The following SEC16A variants were observed in gnomAD, a reference collection of about 807,000 sequenced individuals.
SEC16A encodes protein transport protein Sec16A.
In SEC16A, 110 loss-of-function variants were observed where a neutral mutation model predicts 221.9. That is an observed-to-expected ratio of 0.50 (90% CI 0.42 to 0.58). The LOEUF (loss-of-function observed/expected upper bound fraction) is 0.58, where lower values mean the gene tolerates loss of function less well. SEC16A is among the 20% of genes least tolerant of loss of function. The pLI, the probability that SEC16A is intolerant of heterozygous loss-of-function variation, is 0.00. For missense variants in SEC16A, 3,165 were observed against 3,097.8 expected (o/e 1.02, Z -0.52); for synonymous variants, 1,393 against 1,257.7 (o/e 1.11, Z -2.28).
rs563165879 is a variant in SEC16A, at chr9:136,460,454, C to CA, written c.4992-332dup. Among the ~76,000 whole-genome samples, 169 of 150,654 alleles carry CA rather than the reference C, an allele frequency of 1.1e-3. 3 individuals carry two copies. The South Asian group carries it at 0.034, about 31-fold the overall frequency. On this transcript the variant is annotated intron_variant, in intron 13 of 31. Coordinates refer to ENST00000684901, the MANE Select transcript of SEC16A (RefSeq NM_014866.2). ...TGGGTGACAGAGCAAGACTCTGTCT[C>CA]AAAAAAATAAATAAATAAAATAGTA...
rs749311356 is a variant in SEC16A, at chr9:136,475,536, C to A, written c.2080G>T (p.Ala694Ser). ...GGATACACAGTATCCAAGGGCGGTG[C>A]CCCTGCGTGCGGAAGCATGTGCACA... ...EAVHMLPHAGAPPLDTVYPAP... is the reference protein window; with the variant it reads ...EAVHMLPHAGSPPLDTVYPAP... Residue 694 changes from alanine (A) to serine (S), a missense_variant, in exon 3 of 32, where the codon GCA becomes TCA. Coordinates refer to ENST00000684901, the MANE Select transcript of SEC16A (RefSeq NM_014866.2). This position sits in a 1 kb window ranked among gnomAD's most constrained non-coding sequence, Gnocchi z 5.0. 1 of 1,613,266 alleles carries A rather than the reference C, an allele frequency of 6.2e-7. No individual in the cohort carries two copies. The highest frequency in any genetic ancestry group is 1.1e-5 in the South Asian group (1 of 90,974).
upstream of SEC16A, chr9:136,484,297 G>T (rs1842745849): frequency 9.8e-7 from 1 of 1,024,986 alleles, no homozygotes; most frequent in Non-Finnish European, 1.2e-6. Flanking sequence ...GAGGGGTGAG[G>T]CGGGTAGGCG....
Position 136,447,465 on chromosome 9 carries a change from G to A in SEC16A, c.6560-101C>T, listed in dbSNP as rs1837167870. On this transcript the variant is annotated intron_variant, in intron 26 of 31. Coordinates refer to ENST00000684901, the MANE Select transcript of SEC16A (RefSeq NM_014866.2). The surrounding 1 kb of genome is among the most constrained non-coding windows in gnomAD (Gnocchi z 5.5). ...CGTCAGAGGAAAAGCACGCAGGGACGTGCGGGAAGCCACCTCCTCCCCACG... is the reference window on the plus strand; with the variant it reads ...CGTCAGAGGAAAAGCACGCAGGGACATGCGGGAAGCCACCTCCTCCCCACG... The A allele has an allele frequency of 3.2e-6, 5 of 1,557,328 alleles. No homozygotes were observed. Among genetic ancestry groups the A allele is most frequent in the East Asian group, 2.3e-5 (1 of 43,148 alleles).
chr9:136,445,694 G>C lies in SEC16A; in HGVS notation c.6818C>G (p.Pro2273Arg). ...PKVLSSAASL[P>R]GSELPSSRPE... ...CCTGGAGGAGGGGAGTTCAGAGCCA[G>C]GGAGTGACGCTGCAGAGCTTAAAAC... is the stretch of plus-strand genomic sequence containing the variant. The change falls in exon 29 of 32, where the codon CCT becomes CGT. Residue 2273 changes from proline (P) to arginine (R), a missense_variant. Coordinates refer to ENST00000684901, the MANE Select transcript of SEC16A (RefSeq NM_014866.2). 6.4e-7 allele frequency: 1 copy of C among 1,552,448 alleles called. No individual in the cohort carries two copies. The highest frequency in any genetic ancestry group is 8.7e-7 in the Non-Finnish European group (1 of 1,148,406).
rs562052222 is a variant in SEC16A at position 136,463,083 on chromosome 9, G to A, written c.4697C>T (p.Thr1566Ile). 47 of 1,612,400 alleles carry A rather than the reference G, an allele frequency of 2.9e-5. No individual in the cohort carries two copies. In the Admixed American group the frequency reaches 7.7e-4, roughly 26 times the overall value. ...IAELLLRDHR[T>I]VWLPGKSPNE... ...GGGCGACTTCCCAGGAAGCCACACT[G>A]TTCTGTGGTCTCGTAACAGAAGCTC... Residue 1566 changes from threonine (T) to isoleucine (I), a missense_variant, in exon 12 of 32, where the codon ACA (threonine) becomes ATA (isoleucine). Thr to Ile is a moderately conservative substitution (Grantham distance 89, BLOSUM62 -1). Transcript: ENST00000684901.
Position 136,440,862 on chromosome 9 carries a change from G to C in SEC16A, c.*893C>G, listed in dbSNP as rs751003221. 4 of 152,388 alleles carry C rather than the reference G, an allele frequency of 2.6e-5. No individual in the cohort carries two copies. The highest frequency in any genetic ancestry group is 4.4e-5 in the Non-Finnish European group (3 of 68,038). 9.4% of individuals were successfully genotyped at this position (152,388 alleles called of 1,614,324 possible). On this transcript the variant is annotated 3_prime_UTR_variant, in exon 32 of 32. Transcript: ENST00000684901. The stretch of plus-strand genomic sequence containing the variant: ...CTCACGGAAAGTGCAGCCTTTTAGA[G>C]AAGTGCATCCAGCTTCCTTAACAGT...
rs775020564 is a variant in SEC16A at position 136,441,871 on chromosome 9, G to A, written c.7006-48C>T. 8 of 1,544,538 alleles carry A rather than the reference G, an allele frequency of 5.2e-6. No individual in the cohort carries two copies. The South Asian group carries it at 5.6e-5, about 11-fold the overall frequency. ...ACCTCTGCATGCCTGCCCCCAGGGT[G>A]AGCAGTGCTCGGCTGCAGCGTGGCA... On this transcript the variant is annotated intron_variant, in intron 31 of 31. Transcript: ENST00000684901.
At chr9:136,452,077 A>T (rs1837890304) in intron 22 of SEC16A, among the ~76,000 whole-genome samples, 1 of 152,214 alleles carries the variant, frequency 6.6e-6, no homozygotes, top group Admixed American at 6.5e-5. Context: ...AACCAGTGAC[A>T]ATGTTAGAAA....
upstream of SEC16A, chr9:136,483,827 G>A (rs548579284): frequency 2.2e-5 from 22 of 983,800 alleles, no homozygotes; most frequent in African/African-American, 3.1e-4. Context: ...GGAGCGGCCG[G>A]AGCTGCGGGA....
chr9:136,480,426 C>T (rs954644906), intron 1 of SEC16A, among the ~76,000 whole-genome samples: 5 of 152,178 alleles, frequency 3.3e-5, no homozygotes, highest in Non-Finnish European at 5.9e-5. Context: ...GCTGTGAGAG[C>T]AAAACTGAGT....
At chr9:136,461,829 G>A (rs749237246) in intron 12 of SEC16A, among the ~76,000 whole-genome samples, 8 of 152,254 alleles carry the variant, frequency 5.3e-5, no homozygotes, top group Admixed American at 1.3e-4. Flanking sequence ...TGATCAGGCC[G>A]GGCGCGGTGG....
chr9:136,461,068 AG>A, intron 13 of SEC16A, 108 bp downstream of exon 13: 1 of 816,784 alleles, frequency 1.2e-6, no homozygotes, highest in Non-Finnish European at 2.1e-6. Flanking sequence ...GTGGGAGCAC[AG>A]CACAGTCAAG....
chr9:136,458,803 G>A (rs1839078789), intron 17 of SEC16A, among the ~76,000 whole-genome samples: 1 of 152,050 alleles, frequency 6.6e-6, no homozygotes, highest in Non-Finnish European at 1.5e-5. Flanking sequence ...AGTGCTGCTT[G>A]TAGTCCCAGC....
At chr9:136,482,590 G>C (rs183091007) in intron 1 of SEC16A, among the ~76,000 whole-genome samples, 1 of 152,252 alleles carries the variant, frequency 6.6e-6, no homozygotes, top group African/African-American at 2.4e-5. Flanking sequence ...CCTTCTAGCC[G>C]GTGAGGACAA....
intron 8 of SEC16A, among the ~76,000 whole-genome samples, 168 bp from the exon 9 acceptor site, chr9:136,464,730 C>T (rs556827682): frequency 4.6e-5 from 7 of 152,324 alleles, no homozygotes; most frequent in Admixed American, 3.3e-4. Context: ...AGTAGAACTT[C>T]AGCATACGTC....
Position 136,451,249 on chromosome 9 carries a change from G to C in SEC16A, c.6312+7C>G, listed in dbSNP as rs1460262960. The C allele has an allele frequency of 6.2e-7, 1 of 1,609,270 alleles. No individual in the cohort carries two copies. The highest frequency in any genetic ancestry group is 2.2e-5 in the East Asian group (1 of 44,738). On this transcript the variant is annotated splice_region_variant and intron_variant, in intron 23 of 31. Transcript: ENST00000684901. ...CCGCCAGGCGCACCGTGGGCAGGCTGTACTACCTTCTTAGGTTCCTTCGTT... is the reference window on the plus strand; with the variant it reads ...CCGCCAGGCGCACCGTGGGCAGGCTCTACTACCTTCTTAGGTTCCTTCGTT...
In SEC16A at chr9:136,447,885, G is replaced by C; in HGVS notation, c.6415C>G (p.Gln2139Glu). ...TCTGGCTCATTTAAATTCACCCACT[G>C]GTTTTTCTTTTCATCCCAAACAATC... is the stretch of plus-strand genomic sequence containing the variant. ...KSIVWDEKKN[Q>E]WVNLNEPEEE... Residue 2139 changes from glutamine to glutamate, a missense_variant, in exon 25 of 32, where the codon CAG (glutamine) becomes GAG (glutamate). Gln to Glu is a conservative substitution (Grantham distance 29, BLOSUM62 2). Coordinates refer to ENST00000684901, the MANE Select transcript of SEC16A (RefSeq NM_014866.2). The surrounding 1 kb of genome is among the most constrained non-coding windows in gnomAD (Gnocchi z 5.5). 1 of 1,609,594 alleles carries C rather than the reference G, an allele frequency of 6.2e-7. No homozygotes were observed. The highest frequency in any genetic ancestry group is 8.5e-7 in the Non-Finnish European group (1 of 1,177,672).
Position 136,476,920 on chromosome 9 carries a change from G to A in SEC16A, c.696C>T (p.Cys232=), listed in dbSNP as rs113136421. Residue 232 remains cysteine (C), a synonymous_variant, in exon 3 of 32, where the codon TGC becomes TGT. Coordinates refer to ENST00000684901, the MANE Select transcript of SEC16A (RefSeq NM_014866.2). Reference sequence around the variant, plus strand: ...CCCCGCTGGGAACAGGTCCTTCAGGGCAGGGTGAACGATGTTGCCCCGAGG... The same window carrying A: ...CCCCGCTGGGAACAGGTCCTTCAGGACAGGGTGAACGATGTTGCCCCGAGG... The part of the protein sequence containing the change: ...PQPSGQHRSP[C]PEGPVPSGVP... 1.3e-3 allele frequency: 2,155 copies of A among 1,611,858 alleles called. 22 individuals are homozygous for A. The African/African-American group carries it at 0.023, about 17-fold the overall frequency.
At chr9:136,452,788 A>AG (rs1200836585) in intron 22 of SEC16A, among the ~76,000 whole-genome samples, 1 of 148,266 alleles carries the variant, frequency 6.7e-6, no homozygotes, top group Non-Finnish European at 1.5e-5. Flanking sequence ...AAAAAAAAAA[A>AG]AAGGCCAGGC....
Sources: allele counts gnomAD v4.1 joint callset (sites outside exome capture counted in the v4.1 genomes callset), GRCh38; gene constraint gnomAD v4.1.1; non-coding constraint Gnocchi (gnomAD v3.1); transcripts MANE v1.5; gene names NCBI Gene and HGNC (gene_info 2026-07-23, HGNC 2026-07-21).